TOGARAM1: variants seen among roughly 807,000 people sequenced by gnomAD.
TOGARAM1 encodes TOG array regulator of axonemal microtubules protein 1.
Under a neutral mutation model 166.6 loss-of-function variants are expected in TOGARAM1, and 100 were observed. The observed-to-expected ratio is 0.60, with a 90% CI of 0.51 to 0.71. TOGARAM1 has a LOEUF of 0.71. Ranked by LOEUF, TOGARAM1 falls within the 30% of genes least tolerant of loss-of-function variation. The pLI is 0.00. For synonymous variants in TOGARAM1, 758 were observed against 763.8 expected (o/e 0.99, Z 0.13); for missense variants, 2,029 against 2,102.7 (o/e 0.96, Z 0.69).
At chr14:45,005,914 A>G in intron 4 of TOGARAM1, 94 bp from the exon 5 acceptor site, 2 of 1,156,424 alleles carry the variant, frequency 1.7e-6, no homozygotes, top group Non-Finnish European at 2.4e-6. Context: ...TGCTTTTTTT[A>G]TTTTAAAACA....
At chr14:45,046,515 T>A in intron 13 of TOGARAM1, 30 bp from the exon 14 acceptor site, 1 of 1,268,222 alleles carries the variant, frequency 7.9e-7, no homozygotes, top group Non-Finnish European at 1.0e-6. Context: ...ATATAACAAC[T>A]CTGTTTTAAT....
intron 11 of TOGARAM1, among the ~76,000 whole-genome samples, chr14:45,036,977 G>A (rs975491647): frequency 8.5e-5 from 13 of 152,214 alleles, no homozygotes; most frequent in Admixed American, 5.9e-4. Flanking sequence ...AAGCAAAAGC[G>A]GAAACCCCTG....
intron 13 of TOGARAM1, 28 bp downstream of exon 13, chr14:45,044,898 C>A (rs1414768786): frequency 7.2e-6 from 11 of 1,526,344 alleles, no homozygotes; most frequent in Non-Finnish European, 9.9e-6. Flanking sequence ...CTTGAAATGT[C>A]TTTAAACAAA....
intron 16 of TOGARAM1, among the ~76,000 whole-genome samples, chr14:45,063,887 A>G (rs1362194697): frequency 6.6e-6 from 1 of 152,082 alleles, no homozygotes; most frequent in African/African-American, 2.4e-5. Context: ...CAGTCTTAGC[A>G]AGGTATCCTG....
At chr14:45,062,968 C>T (rs1336109183) in intron 16 of TOGARAM1, among the ~76,000 whole-genome samples, 1 of 152,114 alleles carries the variant, frequency 6.6e-6, no homozygotes, top group Non-Finnish European at 1.5e-5. Flanking sequence ...CCCCATTTCT[C>T]AACAATCTTC....
In TOGARAM1 at chr14:45,011,785, ATGTG is replaced by A. The variant is rs113794576; in HGVS notation, c.3138-166_3138-163del. On this transcript the variant is annotated intron_variant, in intron 6 of 19. Coordinates refer to ENST00000361462, the MANE Select transcript of TOGARAM1 (RefSeq NM_001308120.2). The stretch of plus-strand genomic sequence containing the variant: ...GTGAACTAAGAATAGCAAAATATAT[ATGTG>A]TGTGTGTGTGTGTGTGTGTGTGTAT... 3.8e-3 allele frequency: 1,563 copies of A among 411,138 alleles called. 2 individuals carry two copies. Among genetic ancestry groups the A allele is most frequent in the African/African-American group, 8.1e-3 (385 of 47,258 alleles). 25.5% of individuals were successfully genotyped at this position (411,138 alleles called of 1,614,324 possible). A position where few individuals can be genotyped will look rare whatever the true frequency, so the allele number is the denominator to read the frequency against.
rs944202271 is a variant in TOGARAM1, at chr14:45,050,497, C to T, written c.4314-1939C>T. On this transcript the variant is annotated intron_variant, in intron 14 of 19. Coordinates refer to ENST00000361462, the MANE Select transcript of TOGARAM1 (RefSeq NM_001308120.2). ...TGAACTCTTGGGCTCAAGCAGTCCA[C>T]CTACCTTGTCCTCTCAAAGTGCTGG... 5.3e-5 allele frequency among the ~76,000 whole-genome samples: 8 copies of T among 152,040 alleles called. 1 individual carries two copies. Among genetic ancestry groups the T allele is most frequent in the African/African-American group, 1.4e-4 (6 of 41,390 alleles).
At position 44,963,226 on chromosome 14, in the gene TOGARAM1, A is replaced by G; in HGVS notation, c.805A>G (p.Thr269Ala). The G allele has an allele frequency of 6.2e-7, 1 of 1,614,092 alleles. No homozygotes were observed. The highest frequency in any genetic ancestry group is 8.5e-7 in the Non-Finnish European group (1 of 1,180,016). ...SLARKLGDQE[T>A]EEESETAFSA... ...AGCCCGAAAGCTTGGTGATCAGGAG[A>G]CAGAAGAAGAATCTGAGACAGCTTT... The change falls in exon 1 of 20, where the codon ACA becomes GCA. Residue 269 changes from threonine to alanine, a missense_variant. By Grantham distance (58) the Thr-to-Ala change is moderately conservative (BLOSUM62 0). This residue lies in a region of TOGARAM1 where 1,453 missense variants were observed against 1,432.2 expected (regional missense o/e 1.01). Coordinates refer to ENST00000361462, the MANE Select transcript of TOGARAM1 (RefSeq NM_001308120.2).
intron 1 of TOGARAM1, among the ~76,000 whole-genome samples, chr14:44,976,569 A>C (rs528841688): frequency 1.3e-5 from 2 of 152,210 alleles, no homozygotes; most frequent in Non-Finnish European, 2.9e-5. Context: ...AGGCACTTGA[A>C]GATGTTTGTT....
At chr14:44,999,321 T>G (rs767094348) in intron 2 of TOGARAM1, 42 bp from the exon 3 acceptor site, 1 of 1,485,128 alleles carries the variant, frequency 6.7e-7, no homozygotes. Flanking sequence ...GAAATAAAGT[T>G]AACTTTTGCT....
Position 44,962,247 on chromosome 14 carries a change from G to T in TOGARAM1, c.-175G>T, listed in dbSNP as rs1885176108. Reference sequence around the variant, plus strand: ...TGTGGGGTCTAGGGCTCAGACGGGGGCCATTTTGCCAGAGGCTGCCTCCCG... The same window carrying T: ...TGTGGGGTCTAGGGCTCAGACGGGGTCCATTTTGCCAGAGGCTGCCTCCCG... On this transcript the variant is annotated 5_prime_UTR_variant, in exon 1 of 20. Coordinates refer to ENST00000361462, the MANE Select transcript of TOGARAM1 (RefSeq NM_001308120.2). 1.0e-5 allele frequency: 7 copies of T among 683,048 alleles called. No homozygotes were observed. The highest frequency in any genetic ancestry group is 7.7e-5 in the South Asian group (3 of 38,730). 42.3% of individuals were successfully genotyped at this position (683,048 alleles called of 1,614,324 possible).
intron 18 of TOGARAM1, among the ~76,000 whole-genome samples, chr14:45,069,883 T>G (rs776064088): frequency 3.9e-5 from 6 of 152,080 alleles, no homozygotes; most frequent in Admixed American, 1.3e-4. Context: ...GAAACAAATT[T>G]GTATAAAAAG....
intron 16 of TOGARAM1, among the ~76,000 whole-genome samples, chr14:45,057,672 A>C (rs375739477): frequency 1.3e-5 from 2 of 152,104 alleles, no homozygotes; most frequent in South Asian, 2.1e-4. Flanking sequence ...TACTTCAAAA[A>C]ATGTTTTAAA....
intron 18 of TOGARAM1, among the ~76,000 whole-genome samples, chr14:45,071,324 C>T (rs1883371767): frequency 1.4e-5 from 2 of 145,522 alleles, no homozygotes; most frequent in Admixed American, 6.9e-5. Flanking sequence ...ATGATAGCTC[C>T]TTTAAAACTG....
At chr14:45,047,430 A>G (rs1441287564) in intron 14 of TOGARAM1, among the ~76,000 whole-genome samples, 1 of 151,900 alleles carries the variant, frequency 6.6e-6, no homozygotes, top group African/African-American at 2.4e-5. Flanking sequence ...GGAATAATGC[A>G]TAACAATATA....
chr14:45,012,718 A>G (rs775496624), intron 7 of TOGARAM1, among the ~76,000 whole-genome samples: 2 of 152,218 alleles, frequency 1.3e-5, no homozygotes, highest in Non-Finnish European at 1.5e-5. Flanking sequence ...TTAGTTTCAC[A>G]TGATCTAATG....
intron 1 of TOGARAM1, among the ~76,000 whole-genome samples, chr14:44,968,068 C>T (rs1018128021): frequency 1.3e-5 from 2 of 151,968 alleles, no homozygotes; most frequent in African/African-American, 4.8e-5. Context: ...CCAGCATAGA[C>T]ATATTTTGCT....
At chr14:45,053,321 G>A (rs1201879868) in intron 15 of TOGARAM1, among the ~76,000 whole-genome samples, 14 of 152,110 alleles carry the variant, frequency 9.2e-5, no homozygotes, top group Admixed American at 3.3e-4. Flanking sequence ...GATTACAGGC[G>A]AGAGCCAATG....
At chr14:44,986,242 C>T (rs1040071364) in intron 1 of TOGARAM1, among the ~76,000 whole-genome samples, 1 of 152,084 alleles carries the variant, frequency 6.6e-6, no homozygotes, top group Non-Finnish European at 1.5e-5. Flanking sequence ...TGTTTTTAAG[C>T]AAGTATAATT....
Sources: allele counts gnomAD v4.1 joint callset (sites outside exome capture counted in the v4.1 genomes callset), GRCh38; gene constraint gnomAD v4.1.1; regional missense constraint gnomAD v4.1.1; transcripts MANE v1.5; gene names NCBI Gene and HGNC (gene_info 2026-07-23, HGNC 2026-07-21).